Variants in THSD7B observed in about 807,000 individuals in gnomAD.
The protein encoded by THSD7B is thrombospondin type 1 domain containing 7B.
Under a neutral mutation model 213.6 loss-of-function variants are expected in THSD7B, and 138 were observed. That is an observed-to-expected ratio of 0.65 (90% CI 0.56 to 0.74). THSD7B has a LOEUF of 0.74. Among genes scored for constraint, THSD7B ranks in the 30% least tolerant of loss-of-function variants. The probability of loss-of-function intolerance (pLI) is 0.00; values close to 1 mark genes in which losing one functional copy is unlikely to be tolerated. For missense variants in THSD7B, 1,931 were observed against 1,991.5 expected, an observed-to-expected ratio of 0.97 and a Z score of 0.58; for synonymous variants, 742 against 687.0, an observed-to-expected ratio of 1.08 and a Z score of -1.25.
intron 12 of THSD7B, among the ~76,000 whole-genome samples, chr2:137,381,228 G>A (rs1685766692): frequency 6.6e-6 from 1 of 152,228 alleles, no homozygotes; most frequent in African/African-American, 2.4e-5. Flanking sequence ...AACCTGGGTG[G>A]CAGTAGATGA....
chr2:137,134,292 T>G (rs1688792264), intron 5 of THSD7B, among the ~76,000 whole-genome samples: 1 of 152,160 alleles, frequency 6.6e-6, no homozygotes, highest in South Asian at 2.1e-4. Context: ...TTCCTAACAC[T>G]GAGTTTTAAT....
rs2105014079 is a variant in THSD7B, at chr2:137,412,568, T to G, written c.2959+696T>G. On this transcript the variant is annotated intron_variant, in intron 14 of 27. Coordinates refer to ENST00000409968, the MANE Select transcript of THSD7B (RefSeq NM_001316349.2). ...GCCCAGACTGTGCCATTACACTCTT[T>G]CCTGGGCAACGAGAGCAAAACTCTG... Among the ~76,000 whole-genome samples the G allele has an allele frequency of 2.4e-5, 3 of 126,882 alleles. 1 individual carries two copies. The South Asian group carries it at 7.6e-4, about 32-fold the overall frequency. 83.2% of individuals were successfully genotyped at this position (126,882 alleles called of 152,430 possible).
At chr2:136,792,907 A>G (rs1681994660) in intron 1 of THSD7B, among the ~76,000 whole-genome samples, 1 of 151,934 alleles carries the variant, frequency 6.6e-6, no homozygotes, top group South Asian at 2.1e-4. Flanking sequence ...ATGTTATTGC[A>G]TTTATCAGTA....
At chr2:137,664,712 T>A (rs1683415567) in intron 26 of THSD7B, among the ~76,000 whole-genome samples, 1 of 152,148 alleles carries the variant, frequency 6.6e-6, no homozygotes, top group Non-Finnish European at 1.5e-5. Flanking sequence ...AGAGGAAGGT[T>A]TTAAAGGCAG....
chr2:137,367,402 A>AT (rs1213377291), intron 12 of THSD7B, among the ~76,000 whole-genome samples: 2 of 152,166 alleles, frequency 1.3e-5, no homozygotes, highest in Non-Finnish European at 2.9e-5. Context: ...GAGTAATGCA[A>AT]TTGACAGTGA....
intron 17 of THSD7B, among the ~76,000 whole-genome samples, chr2:137,576,877 A>T (rs1207269317): frequency 6.6e-6 from 1 of 150,612 alleles, no homozygotes; most frequent in East Asian, 2.0e-4. Context: ...CTGATGACTC[A>T]GTATTTTCAG....
chr2:137,508,636 G>A (rs1390451891), intron 15 of THSD7B, among the ~76,000 whole-genome samples: 38 of 150,394 alleles, frequency 2.5e-4, no homozygotes, highest in East Asian at 2.2e-3. Context: ...TGATCTGCCC[G>A]CCTCGGCCTT....
chr2:136,810,986 C>T (rs536269762), intron 1 of THSD7B, among the ~76,000 whole-genome samples: 8 of 152,244 alleles, frequency 5.3e-5, no homozygotes, highest in East Asian at 3.9e-4. Context: ...TCTCAACACA[C>T]GGTTTTAAAT....
intron 7 of THSD7B, among the ~76,000 whole-genome samples, chr2:137,174,367 T>A (rs939292153): frequency 2.6e-5 from 4 of 152,176 alleles, no homozygotes; most frequent in Non-Finnish European, 4.4e-5. Context: ...ATATTGCTCT[T>A]CCCCAGGAGT....
chr2:136,939,583 C>T (rs1022614212), intron 2 of THSD7B, among the ~76,000 whole-genome samples: 2 of 152,090 alleles, frequency 1.3e-5, no homozygotes, highest in Admixed American at 1.3e-4. Flanking sequence ...CAGAACTATC[C>T]CCTGAGCCTC....
At chr2:137,273,717 AC>A (rs1416860875) in intron 11 of THSD7B, among the ~76,000 whole-genome samples, 1 of 152,020 alleles carries the variant, frequency 6.6e-6, no homozygotes, top group Admixed American at 6.6e-5. Context: ...TTATCTGATG[AC>A]CAATTTTGGG....
At chr2:137,055,961 C>CT (rs1687154695) in intron 2 of THSD7B, among the ~76,000 whole-genome samples, 1 of 151,718 alleles carries the variant, frequency 6.6e-6, no homozygotes, top group African/African-American at 2.4e-5. Context: ...AAAAATTCTA[C>CT]TTTATTAAAA....
At chr2:136,929,623 T>C (rs1350718458) in intron 2 of THSD7B, among the ~76,000 whole-genome samples, 1 of 152,154 alleles carries the variant, frequency 6.6e-6, no homozygotes, top group Non-Finnish European at 1.5e-5. Context: ...GAGGAAGTGG[T>C]ATTTTGTCTT....
intron 15 of THSD7B, among the ~76,000 whole-genome samples, chr2:137,480,151 G>C (rs571122668): frequency 6.6e-6 from 1 of 151,956 alleles, no homozygotes; most frequent in Non-Finnish European, 1.5e-5. Context: ...CTCTCTAGGC[G>C]ATCTATTCAA....
chr2:137,615,360 G>A (rs962992653), intron 17 of THSD7B, among the ~76,000 whole-genome samples: 1 of 152,206 alleles, frequency 6.6e-6, no homozygotes. Flanking sequence ...TGACAGGAGT[G>A]AGGCTTGATT....
intron 15 of THSD7B, among the ~76,000 whole-genome samples, chr2:137,453,041 C>A (rs941066617): frequency 4.0e-5 from 6 of 151,848 alleles, no homozygotes; most frequent in African/African-American, 1.5e-4. Flanking sequence ...TTTCTTGATG[C>A]TCAAAAAAGA....
At chr2:137,274,394 G>A (rs1479575879) in intron 11 of THSD7B, among the ~76,000 whole-genome samples, 1 of 152,060 alleles carries the variant, frequency 6.6e-6, no homozygotes, top group African/African-American at 2.4e-5. Context: ...AATTTGTCAA[G>A]TGAATTTGAA....
chr2:137,627,282 C>T (rs1355790799), intron 20 of THSD7B, among the ~76,000 whole-genome samples: 2 of 152,192 alleles, frequency 1.3e-5, no homozygotes, highest in East Asian at 3.8e-4. Context: ...CCCACTAGTC[C>T]TTACCTCCCA....
chr2:137,577,479 T>C (rs923819033), intron 17 of THSD7B, among the ~76,000 whole-genome samples: 3 of 152,166 alleles, frequency 2.0e-5, no homozygotes, highest in Admixed American at 2.0e-4. Flanking sequence ...AATTTCCATC[T>C]GTCTCTCCCT....
Sources: allele counts gnomAD v4.1 joint callset (sites outside exome capture counted in the v4.1 genomes callset), GRCh38; gene constraint gnomAD v4.1.1; transcripts MANE v1.5; gene names NCBI Gene and HGNC (gene_info 2026-07-23, HGNC 2026-07-21).